Variants in CRYBG3 observed in about 807,000 individuals in gnomAD.
CRYBG3 encodes crystallin beta-gamma domain containing 3.
In CRYBG3, 127 loss-of-function variants were observed where a neutral mutation model predicts 244.2. The observed-to-expected ratio is 0.52, with a 90% confidence interval of 0.45 to 0.60. CRYBG3 has a LOEUF of 0.60. Among genes scored for constraint, CRYBG3 ranks in the 20% least tolerant of loss-of-function variants. The pLI, the probability that CRYBG3 is intolerant of heterozygous loss-of-function variation, is 0.00. For missense variants in CRYBG3, 3,325 were observed against 3,442.5 expected, an observed-to-expected ratio of 0.97 and a Z score of 0.85; for synonymous variants, 1,132 against 1,195.8, an observed-to-expected ratio of 0.95 and a Z score of 1.10.
chr3:97,883,402 T>C (rs1007002653), intron 7 of CRYBG3, among the ~76,000 whole-genome samples: 1 of 152,204 alleles, frequency 6.6e-6, no homozygotes, highest in Admixed American at 6.5e-5. Flanking sequence ...GGTTTTGTGC[T>C]TTCTTTGTGA....
Position 97,874,392 on chromosome 3 carries a change from C to T in CRYBG3, c.3198C>T (p.Tyr1066=). The part of the protein sequence containing the change: ...GIDSVSSSSS[Y]PEEVSMIVNS... ...ATAGTGTGTCATCTTCCTCTAGTTA[C>T]CCTGAAGAAGTTAGCATGATAGTAA... The change falls in exon 4 of 22, where the codon TAC becomes TAT. Residue 1066 remains tyrosine, a synonymous_variant. Coordinates refer to ENST00000389622, the MANE Select transcript of CRYBG3 (RefSeq NM_153605.4). The T allele has an allele frequency of 6.5e-7, 1 of 1,533,558 alleles. No homozygotes were observed. Among genetic ancestry groups the T allele is most frequent in the Non-Finnish European group, 8.7e-7 (1 of 1,146,142 alleles). 95.0% of individuals were successfully genotyped at this position (1,533,558 alleles called of 1,614,324 possible). A position where few individuals can be genotyped will look rare whatever the true frequency, so the allele number is the denominator to read the frequency against.
intron 2 of CRYBG3, among the ~76,000 whole-genome samples, chr3:97,852,845 T>A (rs2039007532): frequency 6.6e-6 from 1 of 152,184 alleles, no homozygotes; most frequent in African/African-American, 2.4e-5. Context: ...ATTTGTTACT[T>A]TTTGTCTTTG....
intron 7 of CRYBG3, among the ~76,000 whole-genome samples, chr3:97,883,090 C>T (rs2039469183): frequency 6.6e-6 from 1 of 152,150 alleles, no homozygotes; most frequent in African/African-American, 2.4e-5. Flanking sequence ...GGAGGTGGCA[C>T]CTGTTTGGAA....
At chr3:97,941,496 T>A (rs1279479436) in intron 20 of CRYBG3, among the ~76,000 whole-genome samples, 190 bp downstream of exon 20, 2 of 151,902 alleles carry the variant, frequency 1.3e-5, no homozygotes, top group African/African-American at 4.8e-5. Flanking sequence ...AACAAGAAAA[T>A]CCAGTTTCAA....
At chr3:97,942,465 A>G (rs759363790) in intron 21 of CRYBG3, 22 bp downstream of exon 21, 37 of 1,588,630 alleles carry the variant, frequency 2.3e-5, no homozygotes, top group Middle Eastern at 1.9e-4. Flanking sequence ...ATGATACCCA[A>G]TGTTGTGTCC....
chr3:97,892,246 A>G (rs2039586970), intron 10 of CRYBG3, among the ~76,000 whole-genome samples: 1 of 152,154 alleles, frequency 6.6e-6, no homozygotes, highest in South Asian at 2.1e-4. Context: ...TTAATTTTTG[A>G]GTCGAAATTG....
intron 2 of CRYBG3, among the ~76,000 whole-genome samples, chr3:97,855,734 A>G (rs547540776): frequency 1.3e-5 from 2 of 152,146 alleles, no homozygotes; most frequent in Non-Finnish European, 2.9e-5. Context: ...AGGTTCTGTG[A>G]TGCCCCACAG....
In CRYBG3 at chr3:97,886,680, G is replaced by A; in HGVS notation, c.7202G>A (p.Cys2401Tyr). ...IELFPQSDPA[C>Y]CPVYIQRAVP... ...CTTTTCCCACAATCTGACCCAGCCT[G>A]TTGTCCTGTCTACATACAGAGAGCA... The change falls in exon 8 of 22, where the codon TGT becomes TAT. Residue 2401 changes from cysteine (C) to tyrosine (Y), a missense_variant. Physicochemically the swap from Cys to Tyr is radical, Grantham distance 194. Transcript: ENST00000389622. 6.2e-7 allele frequency: 1 copy of A among 1,611,822 alleles called. No homozygotes were observed. The highest frequency in any genetic ancestry group is 8.5e-7 in the Non-Finnish European group (1 of 1,179,210).
At chr3:97,849,474 A>G (rs1445042782) in intron 2 of CRYBG3, among the ~76,000 whole-genome samples, 3 of 151,842 alleles carry the variant, frequency 2.0e-5, no homozygotes, top group Non-Finnish European at 4.4e-5. Context: ...AGTGCCCGAA[A>G]TGGAAAATGC....
At chr3:97,843,172 A>G (rs926020245) in intron 1 of CRYBG3, 23 bp from the exon 2 acceptor site, 1 of 1,455,220 alleles carries the variant, frequency 6.9e-7, no homozygotes, top group African/African-American at 1.4e-5. Context: ...ATTTCAAAAG[A>G]AACTGTGGTT....
Position 97,873,881 on chromosome 3 carries a change from A to G in CRYBG3, c.2687A>G (p.Glu896Gly). The change falls in exon 4 of 22, where the codon GAG becomes GGG. Residue 896 changes from glutamate (E) to glycine (G), a missense_variant. Transcript: ENST00000389622. ...FQSINHNEIG[E>G]KCSDAGLKEN... The stretch of plus-strand genomic sequence containing the variant: ...TCAATTAATCATAATGAGATAGGAG[A>G]GAAATGTTCAGATGCTGGCCTTAAA... 6.5e-7 allele frequency: 1 copy of G among 1,535,904 alleles called. No homozygotes were observed. The highest frequency in any genetic ancestry group is 8.7e-7 in the Non-Finnish European group (1 of 1,146,818).
intron 15 of CRYBG3, among the ~76,000 whole-genome samples, chr3:97,901,707 G>A (rs1326562626): frequency 6.6e-6 from 1 of 152,140 alleles, no homozygotes; most frequent in Non-Finnish European, 1.5e-5. Context: ...TCTAAGTACA[G>A]ATAAAAAGCC....
chr3:97,832,007 C>T (rs1032220937), intron 1 of CRYBG3, among the ~76,000 whole-genome samples: 3 of 151,786 alleles, frequency 2.0e-5, no homozygotes, highest in Admixed American at 6.6e-5. Flanking sequence ...TCATTGTTTC[C>T]AAACTTTTTA....
chr3:97,836,305 A>T (rs962718193), intron 1 of CRYBG3, among the ~76,000 whole-genome samples: 14 of 152,052 alleles, frequency 9.2e-5, no homozygotes, highest in African/African-American at 3.4e-4. Context: ...TGAGTGCCTT[A>T]AAATTGCAGC....
intron 4 of CRYBG3, among the ~76,000 whole-genome samples, chr3:97,879,201 T>C (rs1404728618): frequency 6.6e-6 from 1 of 152,190 alleles, no homozygotes; most frequent in Non-Finnish European, 1.5e-5. Context: ...ACACTCTGGG[T>C]GCACACTCTG....
chr3:97,883,016 A>T (rs1057273482), intron 7 of CRYBG3, among the ~76,000 whole-genome samples: 9 of 152,142 alleles, frequency 5.9e-5, no homozygotes, highest in African/African-American at 2.2e-4. Context: ...ATATGATGTG[A>T]GAAGCGTTCT....
intron 1 of CRYBG3, among the ~76,000 whole-genome samples, chr3:97,829,515 G>A (rs1325370226): frequency 4.6e-5 from 7 of 152,088 alleles, no homozygotes; most frequent in Admixed American, 1.3e-4. Context: ...CAGCTTTAGC[G>A]TACCAGCCAA....
chr3:97,850,007 C>T (rs957277178), intron 2 of CRYBG3, among the ~76,000 whole-genome samples: 5 of 152,092 alleles, frequency 3.3e-5, no homozygotes, highest in East Asian at 1.9e-4. Context: ...CAGCATATAT[C>T]GTGAGCTTCA....
intron 2 of CRYBG3, among the ~76,000 whole-genome samples, chr3:97,852,411 G>T (rs946374530): frequency 6.6e-6 from 1 of 152,150 alleles, no homozygotes; most frequent in Non-Finnish European, 1.5e-5. Context: ...GTGATTAGTC[G>T]TTAGAATGGT....
Sources: gnomAD v4.1 joint callset for allele counts (sites outside exome capture counted in the v4.1 genomes callset) on GRCh38, gnomAD v4.1.1 for gene constraint, MANE v1.5 for transcripts, NCBI Gene and HGNC (gene_info 2026-07-23, HGNC 2026-07-21) for gene names.